The following BEND4 variants were observed in gnomAD, a reference collection of about 807,000 sequenced individuals.
The protein encoded by BEND4 is BEN domain containing 4.
BEND4 carries 27 observed loss-of-function variants against 54.7 expected under a neutral mutation model. The ratio of observed to expected loss-of-function variants is 0.49; its 90% CI spans 0.36 to 0.68. The LOEUF (loss-of-function observed/expected upper bound fraction) is 0.68. BEND4 is among the 30% of genes least tolerant of loss of function. BEND4 has a pLI of 0.00. For synonymous variants in BEND4, 327 were observed against 299.5 expected, an observed-to-expected ratio of 1.09 and a Z score of -0.95; for missense variants, 702 against 697.2, an observed-to-expected ratio of 1.01 and a Z score of -0.08.
intron 3 of BEND4, among the ~76,000 whole-genome samples, chr4:42,139,248 A>G (rs1720801474): frequency 6.6e-6 from 1 of 152,192 alleles, no homozygotes; most frequent in South Asian, 2.1e-4. Context: ...AATACAAAAG[A>G]AAATGTGCTA....
At chr4:42,149,106 G>A (rs1721173973) in intron 2 of BEND4, among the ~76,000 whole-genome samples, 1 of 152,130 alleles carries the variant, frequency 6.6e-6, no homozygotes, top group African/African-American at 2.4e-5. Flanking sequence ...TAACATGAAT[G>A]TTTTGACTAT....
intron 3 of BEND4, among the ~76,000 whole-genome samples, chr4:42,141,466 T>C (rs1466298675): frequency 1.3e-5 from 2 of 152,262 alleles, no homozygotes; most frequent in Non-Finnish European, 2.9e-5. Flanking sequence ...GTGCTGTGGC[T>C]AATGCCTGTA....
At chr4:42,128,288 A>T (rs917988493) in intron 3 of BEND4, among the ~76,000 whole-genome samples, 2 of 152,242 alleles carry the variant, frequency 1.3e-5, no homozygotes, top group Non-Finnish European at 2.9e-5. Flanking sequence ...AACTGGCACG[A>T]AACAAGGATG....
intron 3 of BEND4, among the ~76,000 whole-genome samples, chr4:42,143,070 A>G (rs1357518647): frequency 6.6e-6 from 1 of 152,238 alleles, no homozygotes; most frequent in African/African-American, 2.4e-5. Flanking sequence ...TTAAGAAAAC[A>G]GGCTTATAGC....
chr4:42,136,486 T>C (rs1011384841), intron 3 of BEND4, among the ~76,000 whole-genome samples: 2 of 152,242 alleles, frequency 1.3e-5, no homozygotes, highest in African/African-American at 4.8e-5. Flanking sequence ...AAAATGTATT[T>C]GTAACCCCCA....
In BEND4 at chr4:42,136,091, A is replaced by G. The variant is rs1302971721; in HGVS notation, c.1054+7337T>C. 2.0e-5 allele frequency among the ~76,000 whole-genome samples: 3 copies of G among 152,174 alleles called. No individual in the cohort carries two copies. The East Asian group carries it at 5.8e-4, about 29-fold the overall frequency. On this transcript the variant is annotated intron_variant, in intron 3 of 5. Coordinates refer to ENST00000502486, the MANE Select transcript of BEND4 (RefSeq NM_207406.4). ...TCGCTGTAATACTCAGAATGTATTA[A>G]GGTCTTTTCATCCACCTCAGAGCCC...
At chr4:42,134,084 G>A (rs186702287) in intron 3 of BEND4, among the ~76,000 whole-genome samples, 14 of 152,290 alleles carry the variant, frequency 9.2e-5, no homozygotes, top group Admixed American at 7.2e-4. Flanking sequence ...CTACTGAAAT[G>A]GTCTTCGTAA....
intron 3 of BEND4, among the ~76,000 whole-genome samples, chr4:42,133,832 C>T (rs1720595930): frequency 6.6e-6 from 1 of 152,170 alleles, no homozygotes; most frequent in African/African-American, 2.4e-5. Context: ...CCAGCCTGGG[C>T]AACAGAGCGA....
intron 2 of BEND4, 109 bp from the exon 3 acceptor site, chr4:42,144,103 ACTGT>A (rs1359237271): frequency 9.9e-6 from 8 of 810,648 alleles, no homozygotes; most frequent in South Asian, 4.4e-5. Flanking sequence ...ATGTATTTCT[ACTGT>A]CTGTCATAAA....
At chr4:42,148,276 A>G (rs1721147202) in intron 2 of BEND4, among the ~76,000 whole-genome samples, 1 of 152,212 alleles carries the variant, frequency 6.6e-6, no homozygotes, top group Non-Finnish European at 1.5e-5. Context: ...AATTTTTTTC[A>G]TAATGGCAAA....
intron 3 of BEND4, among the ~76,000 whole-genome samples, chr4:42,130,255 C>T (rs1346065987): frequency 7.9e-5 from 12 of 151,950 alleles, no homozygotes; most frequent in South Asian, 2.1e-4. Context: ...CCGAGGCGGG[C>T]GGATCACAAG....
chr4:42,114,082 T>C lies in BEND4; in HGVS notation c.*3436A>G, dbSNP rs1164340792. ...AAAATTGAAATGGTTACAGTTTTTC[T>C]TGAAAGCATTTAACACTAAGGTTAA... is the stretch of plus-strand genomic sequence containing the variant. On this transcript the variant is annotated 3_prime_UTR_variant, in exon 6 of 6. Transcript: ENST00000502486. The C allele has an allele frequency of 1.3e-5, 2 of 152,218 alleles. No individual in the cohort carries two copies. The highest frequency in any genetic ancestry group is 4.8e-5 in the African/African-American group (2 of 41,454). 9.4% of individuals were successfully genotyped at this position (152,218 alleles called of 1,614,324 possible).
intron 5 of BEND4, among the ~76,000 whole-genome samples, chr4:42,118,989 T>C (rs1308237574): frequency 6.6e-6 from 1 of 152,206 alleles, no homozygotes; most frequent in African/African-American, 2.4e-5. Flanking sequence ...CATGTGTGCA[T>C]ACGCCCCTAA....
intron 5 of BEND4, among the ~76,000 whole-genome samples, chr4:42,118,800 T>C (rs555066289): frequency 4.5e-4 from 69 of 152,324 alleles, no homozygotes; most frequent in Middle Eastern, 6.8e-3. Context: ...TCATCTCTGA[T>C]GATGTCAGGG....
In BEND4 at chr4:42,152,102, G is replaced by A. The variant is rs766765361; in HGVS notation, c.42C>T (p.Val14=). ...EMQPAEEGPS[V]PKIYKQRSPY... ...GGCTGCGCTGCTTGTAGATTTTGGG[G>A]ACGCTGGGCCCCTCCTCTGCCGGCT... Residue 14 remains valine (V), a synonymous_variant, in exon 2 of 6, where the codon GTC becomes GTT. Transcript: ENST00000502486. 1.2e-5 allele frequency: 15 copies of A among 1,249,352 alleles called. No homozygotes were observed. The highest frequency in any genetic ancestry group is 4.2e-5 in the Admixed American group (1 of 23,950). The allele number at this position is 1,249,352 out of a possible 1,614,324, so 77.4% of individuals were successfully genotyped here.
intron 3 of BEND4, among the ~76,000 whole-genome samples, chr4:42,141,187 A>G (rs984115766): frequency 4.6e-5 from 7 of 152,200 alleles, no homozygotes; most frequent in African/African-American, 1.4e-4. Flanking sequence ...CAGGGCTCCA[A>G]TGTAAAAGGA....
chr4:42,152,297 T>C lies in BEND4; in HGVS notation c.-154A>G. ...CCGTGGCCGCCGCCGCCGCCGCCTGTCGCTGAGGCTGGCATCGCCGAGCCC... is the reference window on the plus strand; with the variant it reads ...CCGTGGCCGCCGCCGCCGCCGCCTGCCGCTGAGGCTGGCATCGCCGAGCCC... On this transcript the variant is annotated 5_prime_UTR_variant, in exon 2 of 6. Transcript: ENST00000502486. The C allele has an allele frequency of 1.4e-6, 1 of 707,552 alleles. No individual in the cohort carries two copies. Among genetic ancestry groups the C allele is most frequent in the Non-Finnish European group, 1.9e-6 (1 of 518,474 alleles). The allele number at this position is 707,552 out of a possible 1,614,324, so 43.8% of individuals were successfully genotyped here.
intron 3 of BEND4, among the ~76,000 whole-genome samples, chr4:42,141,600 G>T (rs1209655778): frequency 6.6e-6 from 1 of 152,090 alleles, no homozygotes. Flanking sequence ...AATTAGCCAG[G>T]CGTGGTGGTG....
chr4:42,133,774 G>GTAA (rs1720592254), intron 3 of BEND4, among the ~76,000 whole-genome samples: 1 of 152,198 alleles, frequency 6.6e-6, no homozygotes, highest in Non-Finnish European at 1.5e-5. Flanking sequence ...AGAATGGCAT[G>GTAA]ACCCGGGAGG....
Sources: allele counts gnomAD v4.1 joint callset (sites outside exome capture counted in the v4.1 genomes callset), GRCh38; gene constraint gnomAD v4.1.1; transcripts MANE v1.5; gene names NCBI Gene and HGNC (gene_info 2026-07-23, HGNC 2026-07-21).